Variants in RBFOX1 observed in about 807,000 individuals in gnomAD.
RBFOX1 encodes the protein RNA binding protein fox-1 homolog 1.
Under a neutral mutation model 57.7 loss-of-function variants are expected in RBFOX1, and 8 were observed. The observed-to-expected ratio is 0.14, with a 90% CI of 0.08 to 0.25. RBFOX1 has a LOEUF of 0.25. Ranked by LOEUF, RBFOX1 falls within the 10% of genes least tolerant of loss-of-function variation. The pLI is 1.00. For synonymous variants in RBFOX1, 326 were observed against 222.4 expected, an observed-to-expected ratio of 1.47 and a Z score of -4.15; for missense variants, 611 against 548.5, an observed-to-expected ratio of 1.11 and a Z score of -1.14.
At chr16:5,366,683 C>A in intron 1 of RBFOX1, 1 of 417,582 alleles carries the variant, frequency 2.4e-6, no homozygotes, top group Non-Finnish European at 4.6e-6. Context: ...TGGAGGAAGT[C>A]TCTTTAAGAA....
chr16:7,527,406 A>T (rs1204032172), intron 5 of RBFOX1, among the ~76,000 whole-genome samples: 1 of 152,142 alleles, frequency 6.6e-6, no homozygotes, highest in East Asian at 1.9e-4. Flanking sequence ...CCAACTTAGG[A>T]TAACTTGGCC....
chr16:6,207,718 C>T (rs1256929039), intron 1 of RBFOX1, among the ~76,000 whole-genome samples: 2 of 152,042 alleles, frequency 1.3e-5, no homozygotes, highest in African/African-American at 4.8e-5. Flanking sequence ...GACAGGGCCT[C>T]ACTCTGTCAC....
chr16:6,080,535 C>T (rs752875285), intron 1 of RBFOX1, among the ~76,000 whole-genome samples: 4 of 152,068 alleles, frequency 2.6e-5, no homozygotes, highest in Non-Finnish European at 4.4e-5. Context: ...AAGAAACTTA[C>T]AATGAATGCA....
intron 1 of RBFOX1, among the ~76,000 whole-genome samples, chr16:6,100,488 G>A (rs182793315): frequency 6.6e-6 from 1 of 152,286 alleles, no homozygotes; most frequent in Admixed American, 6.5e-5. Flanking sequence ...CTAATGTGAT[G>A]CTTTGGTAGA....
intron 3 of RBFOX1, among the ~76,000 whole-genome samples, chr16:6,953,925 C>G (rs1430909503): frequency 2.6e-5 from 4 of 152,162 alleles, no homozygotes; most frequent in Admixed American, 6.6e-5. Flanking sequence ...CTAATTGCAT[C>G]TCTTTCCTGA....
intron 4 of RBFOX1, among the ~76,000 whole-genome samples, chr16:7,134,990 G>A (rs1160569557): frequency 1.5e-4 from 23 of 151,014 alleles, no homozygotes; most frequent in Non-Finnish European, 2.9e-5. Context: ...TCCAATCTTT[G>A]CAAAGTGGGA....
At chr16:7,460,508 A>G (rs2059389419) in intron 4 of RBFOX1, among the ~76,000 whole-genome samples, 1 of 146,662 alleles carries the variant, frequency 6.8e-6, no homozygotes, top group African/African-American at 2.5e-5. Flanking sequence ...ATATATACAT[A>G]TATATATCTA....
At chr16:6,236,190 G>C (rs573774290) in intron 1 of RBFOX1, among the ~76,000 whole-genome samples, 1 of 152,084 alleles carries the variant, frequency 6.6e-6, no homozygotes, top group African/African-American at 2.4e-5. Flanking sequence ...ACTGAGCTCA[G>C]TATGCCTTTG....
intron 4 of RBFOX1, among the ~76,000 whole-genome samples, chr16:7,296,996 C>G (rs1568086005): frequency 6.6e-6 from 1 of 152,152 alleles, no homozygotes; most frequent in South Asian, 2.1e-4. Flanking sequence ...AACCTCATGT[C>G]AGGGGAAGAG....
chr16:6,600,943 G>A (rs1256572525), intron 2 of RBFOX1, among the ~76,000 whole-genome samples: 1 of 152,164 alleles, frequency 6.6e-6, no homozygotes, highest in Non-Finnish European at 1.5e-5. Context: ...CTCTGAGTCA[G>A]AAAAGTGTGA....
chr16:5,552,424 C>G (rs2045501383), intron 2 of RBFOX1, among the ~76,000 whole-genome samples: 1 of 152,166 alleles, frequency 6.6e-6, no homozygotes, highest in African/African-American at 2.4e-5. Flanking sequence ...ATTAAATGCT[C>G]ACATAGCCCA....
intron 4 of RBFOX1, among the ~76,000 whole-genome samples, chr16:5,937,222 A>G (rs2059184941): frequency 6.6e-6 from 1 of 152,294 alleles, no homozygotes; most frequent in East Asian, 1.9e-4. Flanking sequence ...AGAACACGAG[A>G]GATTGTGCAG....
At chr16:7,087,059 GA>G (rs1423407206) in intron 4 of RBFOX1, among the ~76,000 whole-genome samples, 1 of 152,198 alleles carries the variant, frequency 6.6e-6, no homozygotes, top group African/African-American at 2.4e-5. Context: ...GATGGCTGTA[GA>G]CAAGTGTGCT....
chr16:5,552,008 T>C (rs1284732613), intron 2 of RBFOX1, among the ~76,000 whole-genome samples: 1 of 152,196 alleles, frequency 6.6e-6, no homozygotes, highest in Non-Finnish European at 1.5e-5. Flanking sequence ...TATTATTAGC[T>C]GTGGATGAGT....
At chr16:6,820,836 GC>G (rs1232688130) in intron 3 of RBFOX1, among the ~76,000 whole-genome samples, 4 of 152,162 alleles carry the variant, frequency 2.6e-5, no homozygotes, top group African/African-American at 9.7e-5. Context: ...TTCCAAAGAA[GC>G]CATGTAGAAG....
chr16:6,712,175 A>G (rs1296048050), intron 3 of RBFOX1, among the ~76,000 whole-genome samples: 2 of 152,172 alleles, frequency 1.3e-5, no homozygotes, highest in African/African-American at 4.8e-5. Context: ...AACAGTAGCC[A>G]TCATCATTAT....
At chr16:5,819,822 C>T (rs1240964009) in intron 3 of RBFOX1, among the ~76,000 whole-genome samples, 2 of 152,178 alleles carry the variant, frequency 1.3e-5, no homozygotes, top group East Asian at 1.9e-4. Flanking sequence ...CTAGGCAGGC[C>T]CTGGAGCCCC....
chr16:7,007,215 G>C (rs1429456855), intron 3 of RBFOX1, among the ~76,000 whole-genome samples: 1 of 152,170 alleles, frequency 6.6e-6, no homozygotes, highest in African/African-American at 2.4e-5. Flanking sequence ...TTTACTGGCT[G>C]GTAGCAGAAG....
chr16:5,435,591 G>T (rs183632493), intron 1 of RBFOX1, among the ~76,000 whole-genome samples: 48 of 152,266 alleles, frequency 3.2e-4, no homozygotes, highest in African/African-American at 8.9e-4. Context: ...GACACAGGTG[G>T]GACCCAGGAG....
Sources: allele counts gnomAD v4.1 joint callset (sites outside exome capture counted in the v4.1 genomes callset), GRCh38; gene constraint gnomAD v4.1.1; transcripts MANE v1.5; gene names NCBI Gene and HGNC (gene_info 2026-07-23, HGNC 2026-07-21).